AGPAT3: variants seen among roughly 807,000 people sequenced by gnomAD.
AGPAT3 encodes 1-acyl-sn-glycerol-3-phosphate acyltransferase gamma.
A neutral mutation model predicts 47.3 loss-of-function variants in AGPAT3; 5 were observed. That is an observed-to-expected ratio of 0.11 (90% CI 0.06 to 0.22). AGPAT3 has a LOEUF of 0.22. Among genes scored for constraint, AGPAT3 ranks in the 10% least tolerant of loss-of-function variants. The pLI is 1.00. For synonymous variants in AGPAT3, 212 were observed against 208.3 expected, an observed-to-expected ratio of 1.02 and a Z score of -0.15; for missense variants, 315 against 493.0, an observed-to-expected ratio of 0.64 and a Z score of 3.42.
chr21:43,967,549 ACT>A (rs2146730180), intron 3 of AGPAT3: 1 of 173,358 alleles, frequency 5.8e-6, no homozygotes, highest in Non-Finnish European at 1.2e-5. Flanking sequence ...ATTTTTTCCC[ACT>A]GTCTGTTCTG....
At chr21:43,953,217 G>C (rs901441290) in intron 2 of AGPAT3, among the ~76,000 whole-genome samples, 3 of 152,232 alleles carry the variant, frequency 2.0e-5, no homozygotes. Context: ...ACAGAGAGAC[G>C]TGCCATCCAA....
intron 1 of AGPAT3, among the ~76,000 whole-genome samples, chr21:43,900,712 C>T (rs2086328965): frequency 6.6e-6 from 1 of 152,094 alleles, no homozygotes; most frequent in Non-Finnish European, 1.5e-5. Flanking sequence ...GGCACAGTCC[C>T]CGAGTTCACA....
At position 43,975,807 on chromosome 21, in the gene AGPAT3, C is replaced by T. The variant is rs150805298; in HGVS notation, c.768-2239C>T. On this transcript the variant is annotated intron_variant, in intron 7 of 9. Transcript: ENST00000291572. ...CTCCCTCATAAAGGTCCACGATGAG[C>T]CCAGACAGTGCTCGGGGCAGCCCAG... 2.8e-3 allele frequency among the ~76,000 whole-genome samples: 432 copies of T among 152,286 alleles called. 4 individuals carry two copies. Among genetic ancestry groups the T allele is most frequent in the African/African-American group, 0.01 (421 of 41,558 alleles).
intron 2 of AGPAT3, among the ~76,000 whole-genome samples, chr21:43,941,768 C>T (rs1426616743): frequency 2.0e-5 from 3 of 152,252 alleles, no homozygotes; most frequent in African/African-American, 7.2e-5. Context: ...GCAGCTTCCA[C>T]GGACCGTTCC....
chr21:43,946,140 T>A (rs766083551), intron 2 of AGPAT3, among the ~76,000 whole-genome samples: 1 of 152,186 alleles, frequency 6.6e-6, no homozygotes, highest in Non-Finnish European at 1.5e-5. Context: ...CAGCTTCCAG[T>A]TGGTTGTCCT....
rs76676589 is a variant in AGPAT3 at position 43,881,182 on chromosome 21, T to C, written c.-112+15837T>C. On this transcript the variant is annotated intron_variant, in intron 1 of 9. Coordinates refer to ENST00000291572, the MANE Select transcript of AGPAT3 (RefSeq NM_020132.5). Reference sequence around the variant, plus strand: ...AAAGTATTTAATAACTGTGTCATAATTTTTATTTTGTGCCTTGTGATTACA... The same window carrying C: ...AAAGTATTTAATAACTGTGTCATAACTTTTATTTTGTGCCTTGTGATTACA... Among the ~76,000 whole-genome samples the C allele has an allele frequency of 7.3e-4, 111 of 152,344 alleles. 3 individuals carry two copies. The East Asian group carries it at 0.02, about 27-fold the overall frequency.
chr21:43,962,570 A>G (rs907433132), intron 3 of AGPAT3, among the ~76,000 whole-genome samples: 1 of 152,228 alleles, frequency 6.6e-6, no homozygotes, highest in African/African-American at 2.4e-5. Flanking sequence ...CAGTAAGGAA[A>G]CAAAAACCTC....
rs1555909856 is a variant in AGPAT3 at position 43,959,083 on chromosome 21, G to GT, written c.-48-551_-48-550insT. 1.0e-3 allele frequency among the ~76,000 whole-genome samples: 51 copies of GT among 50,280 alleles called. 1 individual carries two copies. The highest frequency in any genetic ancestry group is 3.6e-3 in the African/African-American group (45 of 12,424). 33.0% of individuals were successfully genotyped at this position (50,280 alleles called of 152,430 possible). A position where few individuals can be genotyped will look rare whatever the true frequency, so the allele number is the denominator to read the frequency against. On this transcript the variant is annotated intron_variant, in intron 2 of 9. Coordinates refer to ENST00000291572, the MANE Select transcript of AGPAT3 (RefSeq NM_020132.5). ...GGTATGCGTGGTGTGTGTGGTTTGT[G>GT]GTGTGTGTGTGTCATGTGTGTGGTT...
intron 2 of AGPAT3, among the ~76,000 whole-genome samples, chr21:43,925,623 T>TCAGCCC (rs2087029363): frequency 2.0e-5 from 3 of 152,220 alleles, no homozygotes; most frequent in Admixed American, 6.5e-5. Flanking sequence ...GGACTCTTCC[T>TCAGCCC]CAGCCCCAGC....
intron 2 of AGPAT3, among the ~76,000 whole-genome samples, chr21:43,935,346 G>A (rs1202343450): frequency 1.3e-5 from 2 of 152,340 alleles, no homozygotes; most frequent in Admixed American, 1.3e-4. Flanking sequence ...CCCAGATCCC[G>A]CCTCTCTCCA....
chr21:43,905,820 G>C (rs982135615), intron 2 of AGPAT3, among the ~76,000 whole-genome samples: 1 of 152,238 alleles, frequency 6.6e-6, no homozygotes, highest in Non-Finnish European at 1.5e-5. Flanking sequence ...TCAGGGCTGA[G>C]AGGAGGGCAT....
rs1261822305 is a variant in AGPAT3 at position 43,987,466 on chromosome 21, C to T, written c.*5074C>T. Among the ~76,000 whole-genome samples, 1 of 152,216 alleles carries T rather than the reference C, an allele frequency of 6.6e-6. No individual in the cohort carries two copies. Among genetic ancestry groups the T allele is most frequent in the Non-Finnish European group, 1.5e-5 (1 of 68,030 alleles). ...AAAGCGATCAAGGACAAAAGGTTTT[C>T]CTAAGTGGCATGTATACATCCAAAA... is the stretch of plus-strand genomic sequence containing the variant. On this transcript the variant is annotated 3_prime_UTR_variant, in exon 10 of 10. Coordinates refer to ENST00000291572, the MANE Select transcript of AGPAT3 (RefSeq NM_020132.5).
Position 43,983,127 on chromosome 21 carries a change from A to G in AGPAT3, c.*735A>G, listed in dbSNP as rs1031002783. 1.3e-5 allele frequency: 2 copies of G among 152,238 alleles called. No homozygotes were observed. Among genetic ancestry groups the G allele is most frequent in the African/African-American group, 4.8e-5 (2 of 41,456 alleles). 9.4% of individuals were successfully genotyped at this position (152,238 alleles called of 1,614,324 possible). A position where few individuals can be genotyped will look rare whatever the true frequency, so the allele number is the denominator to read the frequency against. The stretch of plus-strand genomic sequence containing the variant: ...AACTCAGTGAAATGCAGAGTTCTCC[A>G]TGCACCTAAAGCTCCTTTGTCGCTC... On this transcript the variant is annotated 3_prime_UTR_variant, in exon 10 of 10. Coordinates refer to ENST00000291572, the MANE Select transcript of AGPAT3 (RefSeq NM_020132.5).
chr21:43,963,192 G>A (rs1053149954), intron 3 of AGPAT3, among the ~76,000 whole-genome samples: 3 of 152,202 alleles, frequency 2.0e-5, no homozygotes, highest in Non-Finnish European at 2.9e-5. Context: ...TGAAATAGGC[G>A]TGAAAAGATG....
intron 2 of AGPAT3, among the ~76,000 whole-genome samples, chr21:43,917,270 C>T (rs939376167): frequency 7.2e-5 from 11 of 151,918 alleles, no homozygotes; most frequent in African/African-American, 1.9e-4. Flanking sequence ...CTGTTGCCGG[C>T]GCGGTCCCGC....
chr21:43,971,831 G>A (rs1156910641), intron 7 of AGPAT3, among the ~76,000 whole-genome samples: 1 of 152,234 alleles, frequency 6.6e-6, no homozygotes, highest in Non-Finnish European at 1.5e-5. Flanking sequence ...GCCTCCTTGG[G>A]AAGCCCCTGT....
chr21:43,948,506 C>A (rs149519849), intron 2 of AGPAT3, among the ~76,000 whole-genome samples: 1 of 152,116 alleles, frequency 6.6e-6, no homozygotes, highest in African/African-American at 2.4e-5. Flanking sequence ...GCTTCCCTCC[C>A]ATATCCAAGG....
At chr21:43,942,606 CAGCTTCTCG>C (rs1164478921) in intron 2 of AGPAT3, among the ~76,000 whole-genome samples, 2 of 152,226 alleles carry the variant, frequency 1.3e-5, no homozygotes, top group Non-Finnish European at 2.9e-5. Context: ...ATGAAAAGAG[CAGCTTCTCG>C]TTCATCTTCA....
chr21:43,976,066 G>T (rs1351010676), intron 7 of AGPAT3, among the ~76,000 whole-genome samples: 4 of 149,620 alleles, frequency 2.7e-5, no homozygotes, highest in South Asian at 4.3e-4. Flanking sequence ...TATAGAAAAT[G>T]ATTTTTATTT....
Sources: gnomAD v4.1 joint callset for allele counts (sites outside exome capture counted in the v4.1 genomes callset) on GRCh38, gnomAD v4.1.1 for gene constraint, MANE v1.5 for transcripts, NCBI Gene and HGNC (gene_info 2026-07-23, HGNC 2026-07-21) for gene names.